The following PHF21A variants were observed in gnomAD, a reference collection of about 807,000 sequenced individuals.
PHF21A encodes the protein BHC80a.
PHF21A carries 11 observed loss-of-function variants against 82.5 expected under a neutral mutation model. The ratio of observed to expected loss-of-function variants is 0.13; its 90% CI spans 0.08 to 0.22. The LOEUF (loss-of-function observed/expected upper bound fraction) is 0.22, where lower values mean the gene tolerates loss of function less well. PHF21A is among the 10% of genes least tolerant of loss of function. The pLI, the probability that PHF21A is intolerant of heterozygous loss-of-function variation, is 1.00. For missense variants in PHF21A, 579 were observed against 837.8 expected (o/e 0.69, Z 3.81); for synonymous variants, 297 against 302.8 (o/e 0.98, Z 0.20).
chr11:46,056,409 A>G (rs1215984237), intron 6 of PHF21A, among the ~76,000 whole-genome samples: 1 of 152,150 alleles, frequency 6.6e-6, no homozygotes, highest in Non-Finnish European at 1.5e-5. Context: ...TGATGACAAA[A>G]GGAAAACTTT....
At chr11:46,104,521 G>A (rs7942083) in intron 1 of PHF21A, among the ~76,000 whole-genome samples, 113,741 of 152,064 alleles carry the variant, frequency 0.75, 45,132 homozygotes, top group Non-Finnish European at 0.9. Flanking sequence ...TTTTCCCAGA[G>A]GTATTCACAA....
chr11:46,084,038 G>A (rs2096826210), intron 4 of PHF21A, 128 bp downstream of exon 4: 1 of 616,130 alleles, frequency 1.6e-6, no homozygotes, highest in Non-Finnish European at 2.6e-6. Context: ...AAAGGCAAAC[G>A]ACATGACTCT....
At chr11:46,091,943 T>C (rs986177463) in intron 2 of PHF21A, among the ~76,000 whole-genome samples, 8 of 152,182 alleles carry the variant, frequency 5.3e-5, no homozygotes, top group Admixed American at 5.2e-4. Flanking sequence ...GACTTTTACA[T>C]TTTAACAGGT....
intron 6 of PHF21A, among the ~76,000 whole-genome samples, chr11:46,055,388 C>G (rs1334065472): frequency 3.9e-5 from 6 of 152,158 alleles, no homozygotes; most frequent in Non-Finnish European, 1.5e-5. Context: ...AAACACAACT[C>G]ACTCTTGATA....
chr11:46,028,164 C>T (rs1303011658), intron 6 of PHF21A, among the ~76,000 whole-genome samples: 1 of 151,988 alleles, frequency 6.6e-6, no homozygotes, highest in Non-Finnish European at 1.5e-5. Context: ...GCAAAAACTG[C>T]ATTTGTATTC....
intron 18 of PHF21A, 127 bp downstream of exon 18, chr11:45,935,509 A>C (rs528493774): frequency 1.4e-6 from 1 of 699,682 alleles, no homozygotes; most frequent in Admixed American, 2.6e-5. Flanking sequence ...CATTTGCCCA[A>C]GTTAATCACG....
At chr11:46,030,830 C>CGTGTGT (rs71038879) in intron 6 of PHF21A, among the ~76,000 whole-genome samples, 4,067 of 142,250 alleles carry the variant, frequency 0.029, 66 homozygotes, top group Admixed American at 0.048. Context: ...CGTGTGTGTG[C>CGTGTGT]GTGTGTGTGT....
chr11:45,934,339 GCTGTGCAGCC>G, intron 18 of PHF21A, 114 bp from the exon 19 acceptor site: 1 of 1,083,706 alleles, frequency 9.2e-7, no homozygotes. Context: ...TCTGCTGGCT[GCTGTGCAGCC>G]CCTGGGCCTT....
At chr11:46,057,092 A>C (rs2096468248) in intron 6 of PHF21A, among the ~76,000 whole-genome samples, 1 of 152,158 alleles carries the variant, frequency 6.6e-6, no homozygotes, top group Non-Finnish European at 1.5e-5. Context: ...TTATATAAAA[A>C]CTACAATTGA....
intron 1 of PHF21A, among the ~76,000 whole-genome samples, chr11:46,097,702 C>G (rs2097021177): frequency 6.6e-6 from 1 of 152,114 alleles, no homozygotes; most frequent in South Asian, 2.1e-4. Context: ...TCAAACCATC[C>G]TAATTCCCAA....
intron 6 of PHF21A, among the ~76,000 whole-genome samples, chr11:46,012,711 C>T (rs1049075956): frequency 2.6e-5 from 4 of 152,200 alleles, no homozygotes. Context: ...TGCAACCCTA[C>T]ACCCACATTT....
At chr11:46,066,616 T>C (rs2096597194) in intron 6 of PHF21A, among the ~76,000 whole-genome samples, 2 of 152,188 alleles carry the variant, frequency 1.3e-5, no homozygotes, top group African/African-American at 4.8e-5. Flanking sequence ...GTAGGATTAC[T>C]TGAGCCCAGG....
rs2093385215 is a variant in PHF21A at position 45,965,578 on chromosome 11, T to C, written c.733A>G (p.Ile245Val). 1 of 1,569,582 alleles carries C rather than the reference T, an allele frequency of 6.4e-7. No homozygotes were observed. Among genetic ancestry groups the C allele is most frequent in the Admixed American group, 1.8e-5 (1 of 56,098 alleles). ...VRPKPVAQNN[I>V]PIAPAPPPML... ...GGAGGTGGTGCTGGGGCAATAGGAA[T>C]GTTATTCTGGGCCACAGGCTTGGGT... Residue 245 changes from isoleucine (I) to valine (V), a missense_variant, in exon 10 of 19, where the codon ATT becomes GTT. Coordinates refer to ENST00000676320, the MANE Select transcript of PHF21A (RefSeq NM_001352027.3).
intron 6 of PHF21A, among the ~76,000 whole-genome samples, chr11:46,015,659 T>G (rs2095501983): frequency 6.6e-6 from 1 of 152,178 alleles, no homozygotes; most frequent in South Asian, 2.1e-4. Flanking sequence ...AATATTTAAA[T>G]TTTTTGTAAC....
rs752695673 is a variant in PHF21A at position 45,965,509 on chromosome 11, T to C, written c.802A>G (p.Thr268Ala). The change falls in exon 10 of 19, where the codon ACC becomes GCC. Residue 268 changes from threonine (T) to alanine (A), a missense_variant. Coordinates refer to ENST00000676320, the MANE Select transcript of PHF21A (RefSeq NM_001352027.3). ...GGAAGGGTTGTGGGGGTGAACTTGGTCAGCATGACGGGCCTCTGGATAAGC... is the reference window on the plus strand; with the variant it reads ...GGAAGGGTTGTGGGGGTGAACTTGGCCAGCATGACGGGCCTCTGGATAAGC... Reference protein sequence around the residue: ...PQLIQRPVMLTKFTPTTLPTS... With the variant: ...PQLIQRPVMLAKFTPTTLPTS... 4 of 1,612,444 alleles carry C rather than the reference T, an allele frequency of 2.5e-6. No homozygotes were observed. The East Asian group carries it at 6.7e-5, about 27-fold the overall frequency.
chr11:45,999,575 A>T (rs764285885), intron 6 of PHF21A, among the ~76,000 whole-genome samples: 1 of 152,270 alleles, frequency 6.6e-6, no homozygotes, highest in Non-Finnish European at 1.5e-5. Flanking sequence ...AGGGAAATTT[A>T]AAAATATATC....
At chr11:45,977,963 G>A (rs1313076418) in intron 7 of PHF21A, among the ~76,000 whole-genome samples, 1 of 151,698 alleles carries the variant, frequency 6.6e-6, no homozygotes, top group Non-Finnish European at 1.5e-5. Context: ...ATGATCTTAG[G>A]TAAATTATGT....
chr11:46,092,689 C>T (rs1388261524), intron 1 of PHF21A, among the ~76,000 whole-genome samples: 1 of 151,326 alleles, frequency 6.6e-6, no homozygotes, highest in Non-Finnish European at 1.5e-5. Context: ...TTTAAAATCA[C>T]AGCATTTTAT....
At chr11:45,961,739 T>C (rs551310569) in intron 10 of PHF21A, among the ~76,000 whole-genome samples, 2 of 152,308 alleles carry the variant, frequency 1.3e-5, no homozygotes, top group South Asian at 4.1e-4. Flanking sequence ...ATTAAATACC[T>C]GACTTCATTT....
Sources: gnomAD v4.1 joint callset for allele counts (sites outside exome capture counted in the v4.1 genomes callset) on GRCh38, gnomAD v4.1.1 for gene constraint, MANE v1.5 for transcripts, NCBI Gene and HGNC (gene_info 2026-07-23, HGNC 2026-07-21) for gene names.